CDK19: variants seen among roughly 807,000 people sequenced by gnomAD.
CDK19 encodes cyclin-dependent kinase 19.
Under a neutral mutation model 68.3 loss-of-function variants are expected in CDK19, and 20 were observed. The ratio of observed to expected loss-of-function variants is 0.29; its 90% CI spans 0.21 to 0.43. CDK19 has a LOEUF of 0.43. Among genes scored for constraint, CDK19 ranks in the 20% least tolerant of loss-of-function variants. CDK19 has a pLI of 1.00. For missense variants in CDK19, 339 were observed against 623.5 expected, an observed-to-expected ratio of 0.54 and a Z score of 4.86; for synonymous variants, 221 against 222.8, an observed-to-expected ratio of 0.99 and a Z score of 0.07.
intron 2 of CDK19, among the ~76,000 whole-genome samples, chr6:110,702,466 A>G (rs1774093946): frequency 6.6e-6 from 1 of 152,040 alleles, no homozygotes; most frequent in South Asian, 2.1e-4. Flanking sequence ...AAAAAATTAA[A>G]ATTAAAAATA....
intron 2 of CDK19, among the ~76,000 whole-genome samples, chr6:110,742,282 T>C (rs1204295009): frequency 6.6e-6 from 1 of 152,194 alleles, no homozygotes; most frequent in Non-Finnish European, 1.5e-5. Flanking sequence ...CATTTATCAG[T>C]TCCCAAATAA....
At chr6:110,731,093 GAAGA>G (rs1164431766) in intron 2 of CDK19, among the ~76,000 whole-genome samples, 4 of 142,768 alleles carry the variant, frequency 2.8e-5, no homozygotes, top group Non-Finnish European at 6.2e-5. Flanking sequence ...GAAAAGGAAG[GAAGA>G]AAGAAAAGAA....
chr6:110,653,935 C>T (rs1326168802), intron 4 of CDK19, among the ~76,000 whole-genome samples: 1 of 152,062 alleles, frequency 6.6e-6, no homozygotes, highest in East Asian at 1.9e-4. Flanking sequence ...TTGCTTTCTC[C>T]CACCCCAAGA....
intron 12 of CDK19, among the ~76,000 whole-genome samples, chr6:110,618,166 C>T (rs949393524): frequency 6.6e-6 from 1 of 152,126 alleles, no homozygotes; most frequent in African/African-American, 2.4e-5. Flanking sequence ...TGGAGTCTCA[C>T]TCTGTCACCC....
chr6:110,667,917 A>T (rs1280598298), intron 3 of CDK19, among the ~76,000 whole-genome samples: 3 of 152,180 alleles, frequency 2.0e-5, no homozygotes, highest in Admixed American at 2.0e-4. Context: ...AAGAAAGAAA[A>T]ACTGTAAATC....
intron 4 of CDK19, among the ~76,000 whole-genome samples, chr6:110,661,684 T>C (rs1180649732): frequency 1.3e-5 from 2 of 152,208 alleles, no homozygotes; most frequent in South Asian, 2.1e-4. Context: ...TTTTTGTTAC[T>C]TCATTCGGAT....
Position 110,613,257 on chromosome 6 carries a change from T to C in CDK19, c.*1278A>G, listed in dbSNP as rs914308621. 6.6e-6 allele frequency: 1 copy of C among 152,626 alleles called. No homozygotes were observed. The highest frequency in any genetic ancestry group is 2.4e-5 in the African/African-American group (1 of 41,458). 9.5% of individuals were successfully genotyped at this position (152,626 alleles called of 1,614,324 possible). ...AGTATAGTCTTATACTATCCGCCCA[T>C]AGTTTTTAGGCACAATTATTAAGTT... is the stretch of plus-strand genomic sequence containing the variant. On this transcript the variant is annotated 3_prime_UTR_variant, in exon 13 of 13. Coordinates refer to ENST00000368911, the MANE Select transcript of CDK19 (RefSeq NM_015076.5).
At chr6:110,715,386 A>AT (rs1775291231) in intron 2 of CDK19, among the ~76,000 whole-genome samples, 1 of 152,206 alleles carries the variant, frequency 6.6e-6, no homozygotes, top group South Asian at 2.1e-4. Context: ...AAGGCGCTAT[A>AT]TGGGGCTTTG....
intron 1 of CDK19, among the ~76,000 whole-genome samples, chr6:110,811,410 C>T (rs952976960): frequency 2.0e-5 from 3 of 152,130 alleles, no homozygotes; most frequent in African/African-American, 7.2e-5. Flanking sequence ...CAAGGCACCA[C>T]GCTCGGCTAA....
At chr6:110,750,693 T>G (rs1352191454) in intron 1 of CDK19, among the ~76,000 whole-genome samples, 1 of 152,212 alleles carries the variant, frequency 6.6e-6, no homozygotes, top group Non-Finnish European at 1.5e-5. Flanking sequence ...GCGTCTACTA[T>G]AGCAGAGTTT....
intron 12 of CDK19, among the ~76,000 whole-genome samples, chr6:110,620,510 A>G (rs748712237): frequency 6.6e-6 from 1 of 152,098 alleles, no homozygotes; most frequent in Non-Finnish European, 1.5e-5. Flanking sequence ...GGGTATTTTT[A>G]CCTCTCTCCA....
intron 2 of CDK19, among the ~76,000 whole-genome samples, chr6:110,677,392 T>A (rs766867600): frequency 6.6e-6 from 1 of 151,696 alleles, no homozygotes; most frequent in Non-Finnish European, 1.5e-5. Context: ...TGAAACCCCG[T>A]CTCTATTAAA....
At chr6:110,620,660 C>A (rs1177894746) in intron 12 of CDK19, among the ~76,000 whole-genome samples, 1 of 152,164 alleles carries the variant, frequency 6.6e-6, no homozygotes, top group Non-Finnish European at 1.5e-5. Context: ...TTCAGAAAAG[C>A]CTCAGTCTTA....
At chr6:110,778,917 G>A (rs190691809) in intron 1 of CDK19, among the ~76,000 whole-genome samples, 34 of 152,232 alleles carry the variant, frequency 2.2e-4, no homozygotes, top group Non-Finnish European at 4.1e-4. Context: ...AATGGAAGCT[G>A]TGCCAAGGGA....
chr6:110,757,888 CAGTTAAAG>C (rs766123641), intron 1 of CDK19, among the ~76,000 whole-genome samples: 2 of 152,044 alleles, frequency 1.3e-5, no homozygotes, highest in Non-Finnish European at 2.9e-5. Flanking sequence ...GAATAAGCAG[CAGTTAAAG>C]AGTTAAAGAG....
At chr6:110,617,333 A>G (rs749699732) in intron 12 of CDK19, among the ~76,000 whole-genome samples, 9 of 152,140 alleles carry the variant, frequency 5.9e-5, no homozygotes, top group Non-Finnish European at 5.9e-5. Flanking sequence ...CCTGCCCCAC[A>G]CCCAGAGGCA....
Position 110,623,304 on chromosome 6 carries a change from T to C in CDK19, c.919A>G (p.Lys307Glu). 6.2e-7 allele frequency: 1 copy of C among 1,613,882 alleles called. No individual in the cohort carries two copies. The highest frequency in any genetic ancestry group is 8.5e-7 in the Non-Finnish European group (1 of 1,179,792). ...MEKHKVKPDS[K>E]VFLLLQKLLT... ...GAAGCACCTACCAAGAGGAACACTTTGCTGTCAGGCTTGACCTTGTGTTTC... is the reference window on the plus strand; with the variant it reads ...GAAGCACCTACCAAGAGGAACACTTCGCTGTCAGGCTTGACCTTGTGTTTC... Residue 307 changes from lysine to glutamate, a missense_variant, in exon 9 of 13, where the codon AAA becomes GAA. Lys to Glu is a moderately conservative substitution (Grantham distance 56). Coordinates refer to ENST00000368911, the MANE Select transcript of CDK19 (RefSeq NM_015076.5).
intron 2 of CDK19, among the ~76,000 whole-genome samples, chr6:110,708,280 G>T (rs1246102518): frequency 6.6e-6 from 1 of 152,118 alleles, no homozygotes; most frequent in Admixed American, 6.5e-5. Flanking sequence ...GATCACTGTT[G>T]AATCTTGGGG....
intron 2 of CDK19, among the ~76,000 whole-genome samples, chr6:110,676,665 TTAGA>T (rs1264724417): frequency 1.4e-4 from 21 of 152,240 alleles, no homozygotes; most frequent in African/African-American, 1.4e-4. Flanking sequence ...CACTGAAGGC[TTAGA>T]TAATCATTAG....
Sources: allele counts gnomAD v4.1 joint callset (sites outside exome capture counted in the v4.1 genomes callset), GRCh38; gene constraint gnomAD v4.1.1; transcripts MANE v1.5; gene names NCBI Gene and HGNC (gene_info 2026-07-23, HGNC 2026-07-21).